Variants in FER1L5 observed in about 807,000 individuals in gnomAD.
FER1L5 encodes fer-1-like protein 5.
In FER1L5, 187 loss-of-function variants were observed where a neutral mutation model predicts 279.9. The ratio of observed to expected loss-of-function variants is 0.67; its 90% CI spans 0.59 to 0.75. The LOEUF is 0.75. Among genes scored for constraint, FER1L5 ranks in the 30% least tolerant of loss-of-function variants. The pLI is 0.00. For missense variants in FER1L5, 2,091 were observed against 2,594.4 expected, an observed-to-expected ratio of 0.81 and a Z score of 4.21; for synonymous variants, 921 against 989.7, an observed-to-expected ratio of 0.93 and a Z score of 1.30.
At chr2:96,670,026 G>A in intron 17 of FER1L5, 93 bp from the exon 18 acceptor site, 2 of 1,508,412 alleles carry the variant, frequency 1.3e-6, no homozygotes, top group South Asian at 1.2e-5. Flanking sequence ...GCAGTGACTG[G>A]ACAACCTTGT....
In FER1L5 at chr2:96,655,160, TC is replaced by T. The variant is rs2075550533; in HGVS notation, c.747+666del. On this transcript the variant is annotated intron_variant, in intron 9 of 52. Coordinates refer to ENST00000624922, the MANE Select transcript of FER1L5 (RefSeq NM_001293083.2). ...GCCTCCAGGAAGTAGAAGCAGAGGA[TC>T]CAAAAGGTCAGCCTACATGTTAGGG... 2.0e-5 allele frequency among the ~76,000 whole-genome samples: 3 copies of T among 152,098 alleles called. No homozygotes were observed. In the South Asian group the frequency reaches 6.2e-4, roughly 32 times the overall value.
Position 96,663,465 on chromosome 2 carries a change from C to G in FER1L5, c.1098C>G (p.Thr366=). Reference sequence around the variant, plus strand: ...TCAGGACACACATGCAGACCCAAACCGACAACCCGATATGGAACCAGATCC... The same window carrying G: ...TCAGGACACACATGCAGACCCAAACGGACAACCCGATATGGAACCAGATCC... ...EKLRTHMQTQ[T]DNPIWNQILT... The change falls in exon 14 of 53, where the codon ACC becomes ACG. Residue 366 remains threonine (T), a synonymous_variant. Coordinates refer to ENST00000624922, the MANE Select transcript of FER1L5 (RefSeq NM_001293083.2). 1 of 1,551,534 alleles carries G rather than the reference C, an allele frequency of 6.4e-7. No individual in the cohort carries two copies. Among genetic ancestry groups the G allele is most frequent in the Non-Finnish European group, 8.7e-7 (1 of 1,146,950 alleles).
intron 1 of FER1L5, among the ~76,000 whole-genome samples, chr2:96,645,593 G>A (rs1288833025): frequency 2.0e-5 from 3 of 152,110 alleles, no homozygotes; most frequent in African/African-American, 7.2e-5. Flanking sequence ...TTTGAGACCA[G>A]CCTGGGTGAC....
intron 9 of FER1L5, among the ~76,000 whole-genome samples, chr2:96,656,885 T>A (rs2075620904): frequency 6.6e-6 from 1 of 151,590 alleles, no homozygotes; most frequent in African/African-American, 2.4e-5. Flanking sequence ...CATTTCCCTA[T>A]CTAGAGTTTA....
intron 14 of FER1L5, among the ~76,000 whole-genome samples, chr2:96,666,493 G>T (rs1486760034): frequency 6.6e-6 from 1 of 151,736 alleles, no homozygotes; most frequent in Non-Finnish European, 1.5e-5. Flanking sequence ...GGGAGAATGG[G>T]ATGAAGAAAA....
intron 9 of FER1L5, among the ~76,000 whole-genome samples, chr2:96,658,103 C>G (rs757980889): frequency 2.0e-5 from 3 of 151,598 alleles, no homozygotes; most frequent in Non-Finnish European, 2.9e-5. Flanking sequence ...TGCAACCTCC[C>G]CCTCCTGGGT....
chr2:96,689,806 C>A lies in FER1L5; in HGVS notation c.2640+48C>A. On this transcript the variant is annotated intron_variant, in intron 26 of 52. Coordinates refer to ENST00000624922, the MANE Select transcript of FER1L5 (RefSeq NM_001293083.2). The surrounding 1 kb of genome is among the most constrained non-coding windows in gnomAD (Gnocchi z 4.6). Reference sequence around the variant, plus strand: ...CGGGTTAGGGGGCAAGCAAGGCCACCAGGCGGGGCGCCTTGGAAGCTGGGG... The same window carrying A: ...CGGGTTAGGGGGCAAGCAAGGCCACAAGGCGGGGCGCCTTGGAAGCTGGGG... 6.9e-7 allele frequency: 1 copy of A among 1,451,836 alleles called. No individual in the cohort carries two copies. Among genetic ancestry groups the A allele is most frequent in the South Asian group, 1.3e-5 (1 of 74,150 alleles). 89.9% of individuals were successfully genotyped at this position (1,451,836 alleles called of 1,614,324 possible).
At position 96,689,488 on chromosome 2, in the gene FER1L5, C is replaced by G; in HGVS notation, c.2525+112C>G. ...GCCCCTAAGCCTGGTGCCAGAGGGC[C>G]GAGGTGCACCAGGCCAAGGGCCCTG... is the stretch of plus-strand genomic sequence containing the variant. On this transcript the variant is annotated intron_variant, in intron 25 of 52. Coordinates refer to ENST00000624922, the MANE Select transcript of FER1L5 (RefSeq NM_001293083.2). This position sits in a 1 kb window ranked among gnomAD's most constrained non-coding sequence, Gnocchi z 4.6. 1 of 1,490,628 alleles carries G rather than the reference C, an allele frequency of 6.7e-7. No homozygotes were observed. Among genetic ancestry groups the G allele is most frequent in the Non-Finnish European group, 9.1e-7 (1 of 1,103,392 alleles). The allele number at this position is 1,490,628 out of a possible 1,614,324, so 92.3% of individuals were successfully genotyped here.
rs776912193 is a variant in FER1L5, at chr2:96,703,068, G to A, written c.5488G>A (p.Asp1830Asn). 1.7e-5 allele frequency: 27 copies of A among 1,613,580 alleles called. No homozygotes were observed. Among genetic ancestry groups the A allele is most frequent in the Non-Finnish European group, 2.2e-5 (26 of 1,179,752 alleles). ...VWDNDIFSPD[D>N]FLGVLELDLS... ...GGACAATGACATCTTCTCCCCCGAC[G>A]ACTTCCTAGGTGAGGTCCTGACACA... Residue 1830 changes from aspartate (D) to asparagine (N), a missense_variant, in exon 49 of 53, where the codon GAC becomes AAC. Transcript: ENST00000624922.
intron 1 of FER1L5, among the ~76,000 whole-genome samples, 185 bp from the exon 2 acceptor site, chr2:96,646,216 T>G (rs1051753732): frequency 6.6e-6 from 1 of 152,128 alleles, no homozygotes; most frequent in East Asian, 1.9e-4. Context: ...GCCAGGATGG[T>G]CCTGATCTCC....
intron 19 of FER1L5, among the ~76,000 whole-genome samples, chr2:96,676,258 G>A (rs528135231): frequency 3.3e-4 from 50 of 152,132 alleles, no homozygotes; most frequent in African/African-American, 1.1e-3. Context: ...CACAACCTCC[G>A]CCTCCTGGGT....
intron 9 of FER1L5, chr2:96,654,898 CAAA>C (rs761973265): frequency 5.6e-5 from 3 of 53,174 alleles, no homozygotes; most frequent in African/African-American, 5.8e-5. Context: ...GACTCCATCT[CAAA>C]AAAAAAAAAA....
At chr2:96,683,991 C>T (rs2076829423) in intron 19 of FER1L5, among the ~76,000 whole-genome samples, 1 of 152,176 alleles carries the variant, frequency 6.6e-6, no homozygotes, top group Non-Finnish European at 1.5e-5. Flanking sequence ...GCTTGAGGTT[C>T]AGAACCCAGG....
intron 14 of FER1L5, among the ~76,000 whole-genome samples, chr2:96,666,332 A>G (rs571850105): frequency 6.6e-6 from 1 of 151,234 alleles, no homozygotes; most frequent in South Asian, 2.1e-4. Context: ...GAGGACTCCT[A>G]ACTTTGGAAG....
chr2:96,695,694 C>G (rs761677222), intron 35 of FER1L5, 33 bp downstream of exon 35: 2 of 1,607,112 alleles, frequency 1.2e-6, no homozygotes, highest in Non-Finnish European at 8.5e-7. Flanking sequence ...CTGGGCAGCC[C>G]TCTTCTTCTG....
chr2:96,691,428 T>A lies in FER1L5; in HGVS notation c.2908-17T>A. The A allele has an allele frequency of 6.5e-7, 1 of 1,535,868 alleles. No homozygotes were observed. Among genetic ancestry groups the A allele is most frequent in the Non-Finnish European group, 8.8e-7 (1 of 1,138,062 alleles). On this transcript the variant is annotated splice_polypyrimidine_tract_variant and intron_variant, in intron 28 of 52. Coordinates refer to ENST00000624922, the MANE Select transcript of FER1L5 (RefSeq NM_001293083.2). This position sits in a 1 kb window ranked among gnomAD's most constrained non-coding sequence, Gnocchi z 6.0. ...GGCTGCTGCAGGAACACAACCCTGC[T>A]CTCCTCCCCACCACAGGGCCTGGCC...
intron 19 of FER1L5, among the ~76,000 whole-genome samples, chr2:96,678,648 T>C (rs1280138396): frequency 6.6e-6 from 1 of 151,506 alleles, no homozygotes; most frequent in Admixed American, 6.6e-5. Context: ...GTCCAGGCTG[T>C]TCTTGAACTC....
intron 31 of FER1L5, among the ~76,000 whole-genome samples, 159 bp downstream of exon 31, chr2:96,692,340 G>A (rs1452782171): frequency 6.6e-6 from 1 of 152,220 alleles, no homozygotes; most frequent in Non-Finnish European, 1.5e-5. Context: ...CCTGGGTCCT[G>A]GTGTCAGCTG....
In FER1L5 at chr2:96,704,662, T is replaced by C. The variant is rs1263772923; in HGVS notation, c.6144T>C (p.Ile2048=). 1.2e-6 allele frequency: 2 copies of C among 1,613,890 alleles called. No individual in the cohort carries two copies. Among genetic ancestry groups the C allele is most frequent in the Non-Finnish European group, 1.7e-6 (2 of 1,179,898 alleles). The part of the protein sequence containing the change: ...HPGPTNHLSD[I]FPELPAPGD ...GACCCACAAATCACCTGAGTGATATTTTCCCAGAACTTCCAGCCCCAGGAG... is the reference window on the plus strand; with the variant it reads ...GACCCACAAATCACCTGAGTGATATCTTCCCAGAACTTCCAGCCCCAGGAG... Residue 2048 remains isoleucine (I), a synonymous_variant, in exon 53 of 53, where the codon ATT becomes ATC. Coordinates refer to ENST00000624922, the MANE Select transcript of FER1L5 (RefSeq NM_001293083.2).
Sources: gnomAD v4.1 joint callset for allele counts (sites outside exome capture counted in the v4.1 genomes callset) on GRCh38, gnomAD v4.1.1 for gene constraint, Gnocchi (gnomAD v3.1) non-coding constraint, MANE v1.5 for transcripts, NCBI Gene and HGNC (gene_info 2026-07-23, HGNC 2026-07-21) for gene names.